EFL1: variants seen among roughly 807,000 people sequenced by gnomAD.
The protein encoded by EFL1 is elongation factor-like GTPase 1.
In EFL1, 76 loss-of-function variants were observed where a neutral mutation model predicts 126.7. That is an observed-to-expected ratio of 0.60 (90% CI 0.50 to 0.73). The LOEUF is 0.73. Among genes scored for constraint, EFL1 ranks in the 30% least tolerant of loss-of-function variants. The pLI, the probability that EFL1 is intolerant of heterozygous loss-of-function variation, is 0.00. For missense variants in EFL1, 1,128 were observed against 1,343.2 expected, an observed-to-expected ratio of 0.84 and a Z score of 2.50; for synonymous variants, 410 against 448.4, an observed-to-expected ratio of 0.91 and a Z score of 1.08.
intron 9 of EFL1, 51 bp from the exon 10 acceptor site, chr15:82,228,378 C>T: frequency 6.4e-7 from 1 of 1,565,978 alleles, no homozygotes; most frequent in Non-Finnish European, 8.6e-7. Flanking sequence ...CAGATATAAA[C>T]AGGCAGTGGA....
At chr15:82,221,244 T>C (rs2074709197) in intron 12 of EFL1, among the ~76,000 whole-genome samples, 1 of 152,142 alleles carries the variant, frequency 6.6e-6, no homozygotes, top group African/African-American at 2.4e-5. Context: ...TCCTGCTTTA[T>C]TTGCCAATCT....
chr15:82,209,809 C>T (rs1272263604), intron 15 of EFL1, among the ~76,000 whole-genome samples: 1 of 152,214 alleles, frequency 6.6e-6, no homozygotes, highest in Non-Finnish European at 1.5e-5. Context: ...CTCTAAGTGA[C>T]TTATAGCTGA....
chr15:82,170,106 C>CTTTTTT (rs760955432), intron 15 of EFL1, among the ~76,000 whole-genome samples: 2 of 78,856 alleles, frequency 2.5e-5, no homozygotes, highest in Non-Finnish European at 4.7e-5. Flanking sequence ...CACTGGATGT[C>CTTTTTT]TTTTTTTTTT....
At chr15:82,244,071 C>T (rs1179409224) in intron 4 of EFL1, among the ~76,000 whole-genome samples, 1 of 152,136 alleles carries the variant, frequency 6.6e-6, no homozygotes, top group African/African-American at 2.4e-5. Flanking sequence ...GTCAGTTACA[C>T]AGCTGACAAA....
intron 4 of EFL1, among the ~76,000 whole-genome samples, chr15:82,248,975 T>C (rs1047013215): frequency 2.6e-5 from 4 of 152,092 alleles, no homozygotes; most frequent in African/African-American, 7.3e-5. Context: ...AGTAAGCTAT[T>C]TGGGGGGAGA....
intron 16 of EFL1, among the ~76,000 whole-genome samples, chr15:82,162,862 C>T (rs918767475): frequency 1.3e-5 from 2 of 152,194 alleles, no homozygotes; most frequent in African/African-American, 4.8e-5. Flanking sequence ...GGCCATTGTA[C>T]ACCTCAACAG....
At chr15:82,193,569 C>T (rs2074380587) in intron 15 of EFL1, among the ~76,000 whole-genome samples, 1 of 152,296 alleles carries the variant, frequency 6.6e-6, no homozygotes, top group Admixed American at 6.5e-5. Flanking sequence ...CTTGGAGGCA[C>T]TTAGCTAGAG....
chr15:82,187,622 G>A lies in EFL1; in HGVS notation c.1751-23638C>T, dbSNP rs954559010. ...ACCTATTAAACGAAGCTTATTGTTT[G>A]TATTATTTAAATATTCTATTTCCAT... On this transcript the variant is annotated intron_variant, in intron 15 of 19. Transcript: ENST00000268206. Among the ~76,000 whole-genome samples, 7 of 152,074 alleles carry A rather than the reference G, an allele frequency of 4.6e-5. No individual in the cohort carries two copies. The South Asian group carries it at 1.2e-3, about 27-fold the overall frequency.
Position 82,163,929 on chromosome 15 carries a change from T to C in EFL1, c.1806A>G (p.Pro602=), listed in dbSNP as rs2141242623. 6.2e-7 allele frequency: 1 copy of C among 1,614,170 alleles called. No homozygotes were observed. Among genetic ancestry groups the C allele is most frequent in the Admixed American group, 1.7e-5 (1 of 60,022 alleles). ...TGAGTGGTATAAATGGTGGGCAGGA[T>C]GGCAGGCTACACAGTGTTGCAGATT... ...VLKSATLCSL[P]SCPPFIPLNF... Residue 602 remains proline (P), a synonymous_variant, in exon 16 of 20, where the codon CCA becomes CCG. Transcript: ENST00000268206.
chr15:82,199,331 A>AAG (rs140710084), intron 15 of EFL1, among the ~76,000 whole-genome samples: 11,933 of 152,138 alleles, frequency 0.078, 760 homozygotes, highest in African/African-American at 0.17. Context: ...GAGAGAGAGA[A>AAG]AGAGAGAGAG....
At chr15:82,138,517 C>A in intron 19 of EFL1, 141 bp downstream of exon 19, 1 of 876,514 alleles carries the variant, frequency 1.1e-6, no homozygotes. Context: ...AAGCCATTTG[C>A]TTTCTCCTGT....
chr15:82,209,150 C>A (rs558454948), intron 15 of EFL1, among the ~76,000 whole-genome samples: 75 of 152,174 alleles, frequency 4.9e-4, no homozygotes, highest in Admixed American at 2.9e-3. Context: ...AAGAAATTCA[C>A]TAGTAAGTGA....
At chr15:82,212,538 A>C (rs2074601176) in intron 15 of EFL1, among the ~76,000 whole-genome samples, 1 of 152,278 alleles carries the variant, frequency 6.6e-6, no homozygotes, top group Admixed American at 6.5e-5. Flanking sequence ...TATATGTTTC[A>C]ATTCAAAAAG....
chr15:82,205,534 G>A (rs968800584), intron 15 of EFL1, among the ~76,000 whole-genome samples: 7 of 150,676 alleles, frequency 4.6e-5, no homozygotes, highest in Admixed American at 1.3e-4. Context: ...TCAAACTCCA[G>A]TAAATACACA....
At chr15:82,181,751 C>T (rs928753313) in intron 15 of EFL1, among the ~76,000 whole-genome samples, 1 of 152,088 alleles carries the variant, frequency 6.6e-6, no homozygotes, top group Non-Finnish European at 1.5e-5. Context: ...CAGGCTCTTC[C>T]CAGTTTTCCT....
intron 3 of EFL1, 139 bp downstream of exon 3, chr15:82,258,949 C>CA (rs1463295845): frequency 2.7e-6 from 2 of 743,290 alleles, no homozygotes; most frequent in Non-Finnish European, 4.5e-6. Flanking sequence ...TTTTATCTTG[C>CA]AAAATGGATT....
At chr15:82,244,667 G>A (rs973558874) in intron 4 of EFL1, among the ~76,000 whole-genome samples, 2 of 152,144 alleles carry the variant, frequency 1.3e-5, no homozygotes, top group Admixed American at 1.3e-4. Flanking sequence ...ATATCTTCCA[G>A]ACAATTTCTG....
At chr15:82,186,827 T>C (rs567575811) in intron 15 of EFL1, among the ~76,000 whole-genome samples, 3 of 152,248 alleles carry the variant, frequency 2.0e-5, no homozygotes, top group South Asian at 4.1e-4. Context: ...AGTACTTGAG[T>C]CCTCTTTGAT....
intron 14 of EFL1, among the ~76,000 whole-genome samples, chr15:82,215,410 C>T (rs1438515553): frequency 6.6e-6 from 1 of 151,956 alleles, no homozygotes; most frequent in Non-Finnish European, 1.5e-5. Flanking sequence ...GAAGAGCATG[C>T]TGTGATATAT....
Sources: allele counts gnomAD v4.1 joint callset (sites outside exome capture counted in the v4.1 genomes callset), GRCh38; gene constraint gnomAD v4.1.1; transcripts MANE v1.5; gene names NCBI Gene and HGNC (gene_info 2026-07-23, HGNC 2026-07-21).